MYH14: variants seen among roughly 807,000 people sequenced by gnomAD.
MYH14 encodes myosin heavy chain 14, also known as myosin-14.
In MYH14, 123 loss-of-function variants were observed where a neutral mutation model predicts 255.5. The observed-to-expected ratio is 0.48, with a 90% CI of 0.42 to 0.56. The LOEUF (loss-of-function observed/expected upper bound fraction) is 0.56. MYH14 is among the 20% of genes least tolerant of loss of function. The pLI is 0.00. For missense variants in MYH14, 2,423 were observed against 2,802.3 expected (o/e 0.86, Z 3.06); for synonymous variants, 1,095 against 1,161.2 (o/e 0.94, Z 1.16).
At chr19:50,218,246 C>T (rs1005212482) in intron 3 of MYH14, among the ~76,000 whole-genome samples, 2 of 152,064 alleles carry the variant, frequency 1.3e-5, no homozygotes, top group African/African-American at 4.8e-5. Context: ...TTCCAAAGTT[C>T]TGGGATTACA....
chr19:50,268,135 C>G, intron 23 of MYH14, 26 bp from the exon 24 acceptor site: 1 of 1,533,642 alleles, frequency 6.5e-7, no homozygotes, highest in South Asian at 1.2e-5. Context: ...TGCCTGCTGA[C>G]CACTAACCTC....
At chr19:50,236,297 C>T (rs981856947) in intron 10 of MYH14, among the ~76,000 whole-genome samples, 1 of 152,092 alleles carries the variant, frequency 6.6e-6, no homozygotes, top group African/African-American at 2.4e-5. Flanking sequence ...CATGCCACTG[C>T]ACTCCAGCCT....
At chr19:50,259,611 G>T (rs2034746578) in intron 19 of MYH14, among the ~76,000 whole-genome samples, 1 of 152,332 alleles carries the variant, frequency 6.6e-6, no homozygotes, top group East Asian at 1.9e-4. Flanking sequence ...GGGCGCGGTG[G>T]CTCACGCCTG....
At chr19:50,211,194 G>A (rs997686395) in intron 2 of MYH14, among the ~76,000 whole-genome samples, 1 of 152,048 alleles carries the variant, frequency 6.6e-6, no homozygotes, top group African/African-American at 2.4e-5. Context: ...AGCCAGGTGT[G>A]GTGGTGGCCC....
intron 10 of MYH14, among the ~76,000 whole-genome samples, chr19:50,232,562 G>A (rs1231197217): frequency 7.3e-6 from 1 of 136,108 alleles, no homozygotes; most frequent in East Asian, 2.2e-4. Flanking sequence ...CCACTGCACT[G>A]CAGCCTGGTC....
rs1209243863 is a variant in MYH14 at position 50,226,828 on chromosome 19, G to T, written c.811-75G>T. 9.9e-6 allele frequency: 14 copies of T among 1,411,722 alleles called. No homozygotes were observed. The South Asian group carries it at 1.6e-4, about 16-fold the overall frequency. 87.4% of individuals were successfully genotyped at this position (1,411,722 alleles called of 1,614,324 possible). A position where few individuals can be genotyped will look rare whatever the true frequency, so the allele number is the denominator to read the frequency against. On this transcript the variant is annotated intron_variant, in intron 7 of 42. Coordinates refer to ENST00000642316, the MANE Select transcript of MYH14 (RefSeq NM_001145809.2). ...GCAGCTCTGGGAGCAGTGGGTGTGGGGTTTGGGCTGTTGTTCACGTGTGAG... is the reference window on the plus strand; with the variant it reads ...GCAGCTCTGGGAGCAGTGGGTGTGGTGTTTGGGCTGTTGTTCACGTGTGAG...
In MYH14 at chr19:50,280,256, C is replaced by T. The variant is rs1009109899; in HGVS notation, c.4163C>T (p.Ala1388Val). ...GAGCTGCTGCAGGAGGAGACCAGGG[C>T]GAAATTGGCCTTGGGGTCCCGGGTG... ...AQELLQEETR[A>V]KLALGSRVRA... The change falls in exon 32 of 43, where the codon GCG (alanine) becomes GTG (valine). Residue 1388 changes from alanine (A) to valine (V), a missense_variant. Ala to Val is a moderately conservative substitution (Grantham distance 64). This residue lies in a region of MYH14 where 1,513 missense variants were observed against 1,674.8 expected (regional missense o/e 0.90). Coordinates refer to ENST00000642316, the MANE Select transcript of MYH14 (RefSeq NM_001145809.2). The surrounding 1 kb of genome is among the most constrained non-coding windows in gnomAD (Gnocchi z 4.8). 1.4e-5 allele frequency: 22 copies of T among 1,551,568 alleles called. No homozygotes were observed. The African/African-American group carries it at 1.9e-4, about 14-fold the overall frequency.
At chr19:50,259,470 A>C (rs927946294) in intron 19 of MYH14, among the ~76,000 whole-genome samples, 1 of 152,250 alleles carries the variant, frequency 6.6e-6, no homozygotes, top group African/African-American at 2.4e-5. Context: ...CCTGAGAGAA[A>C]GCACACAGAG....
intron 32 of MYH14, among the ~76,000 whole-genome samples, chr19:50,281,210 T>C (rs1237682437): frequency 6.6e-6 from 1 of 152,162 alleles, no homozygotes; most frequent in Non-Finnish European, 1.5e-5. Flanking sequence ...TCTCAAATGC[T>C]CCTCCTTCAG....
chr19:50,260,746 T>TGA, intron 20 of MYH14, 31 bp downstream of exon 20: 2 of 1,396,850 alleles, frequency 1.4e-6, no homozygotes, highest in East Asian at 2.5e-5. Flanking sequence ...AATGCGTGTG[T>TGA]GCGTGTGTGT....
chr19:50,210,884 A>T, intron 2 of MYH14, 114 bp downstream of exon 2: 3 of 1,467,708 alleles, frequency 2.0e-6, no homozygotes. Context: ...TCTGTATCCC[A>T]TGTCCCGTGA....
chr19:50,209,157 C>CAAAAT (rs2032005971), intron 1 of MYH14, among the ~76,000 whole-genome samples: 1 of 151,974 alleles, frequency 6.6e-6, no homozygotes, highest in Admixed American at 6.6e-5. Flanking sequence ...AACCTCATCT[C>CAAAAT]AAAATAAAAT....
intron 27 of MYH14, 133 bp from the exon 28 acceptor site, chr19:50,275,858 C>G (rs2035483967): frequency 1.5e-6 from 1 of 673,724 alleles, no homozygotes; most frequent in Non-Finnish European, 2.6e-6. Context: ...AGCCAAGTGC[C>G]CAGTGGCAGA....
At chr19:50,286,296 TTCAAGAGTTAAGCTGGTTTGGGACACGG>T (rs2035885771) in intron 33 of MYH14, 158 bp from the exon 34 acceptor site, 1 of 603,028 alleles carries the variant, frequency 1.7e-6, no homozygotes, top group Non-Finnish European at 3.0e-6. Context: ...GTTTGATCCA[TTCAAGAGTTAAGCTGGTTTGGGACACGG>T]TTGCAACTTT....
chr19:50,297,797 G>A (rs1392116396), intron 39 of MYH14, among the ~76,000 whole-genome samples: 1 of 151,884 alleles, frequency 6.6e-6, no homozygotes, highest in Non-Finnish European at 1.5e-5. Flanking sequence ...CCATTGCCTG[G>A]CCCTCATCTC....
intron 10 of MYH14, among the ~76,000 whole-genome samples, chr19:50,233,819 C>A (rs1383963394): frequency 1.4e-5 from 1 of 70,408 alleles, no homozygotes; most frequent in East Asian, 6.4e-4. Flanking sequence ...TCCCCCCGAC[C>A]CCCCCGCCCC....
chr19:50,292,113 A>G (rs2036094702), intron 36 of MYH14, 148 bp from the exon 37 acceptor site: 1 of 735,538 alleles, frequency 1.4e-6, no homozygotes, highest in Admixed American at 4.0e-5. Flanking sequence ...AAGTGGCTTT[A>G]TACACAGGAG....
chr19:50,288,230 G>A (rs1006666352), intron 34 of MYH14, among the ~76,000 whole-genome samples: 1 of 152,208 alleles, frequency 6.6e-6, no homozygotes, highest in African/African-American at 2.4e-5. Context: ...AATAGATGCT[G>A]TCTTGACATC....
rs575817292 is a variant in MYH14 at position 50,280,753 on chromosome 19, C to G, written c.4290+370C>G. 2.5e-4 allele frequency among the ~76,000 whole-genome samples: 38 copies of G among 152,350 alleles called. No homozygotes were observed. The highest frequency in any genetic ancestry group is 4.3e-4 in the Non-Finnish European group (29 of 68,038). On this transcript the variant is annotated intron_variant, in intron 32 of 42. Coordinates refer to ENST00000642316, the MANE Select transcript of MYH14 (RefSeq NM_001145809.2). The surrounding 1 kb of genome is among the most constrained non-coding windows in gnomAD (Gnocchi z 4.8). ...GACCCTGTCCCTCCTCTGCTCACAG[C>G]TCTCCCACGCCTCCCCAGTACTCCT...
Sources: gnomAD v4.1 joint callset for allele counts (sites outside exome capture counted in the v4.1 genomes callset) on GRCh38, gnomAD v4.1.1 for gene constraint, gnomAD v4.1.1 regional missense constraint, Gnocchi (gnomAD v3.1) non-coding constraint, MANE v1.5 for transcripts, NCBI Gene and HGNC (gene_info 2026-07-23, HGNC 2026-07-21) for gene names.